The following WDR49 variants were observed in gnomAD, a reference collection of about 807,000 sequenced individuals.
WDR49 encodes the protein cilia- and flagella-associated protein 337.
In WDR49, 107 loss-of-function variants were observed where a neutral mutation model predicts 119.5. The observed-to-expected ratio is 0.90, with a 90% confidence interval of 0.77 to 1.05. The LOEUF (loss-of-function observed/expected upper bound fraction) is 1.05, where lower values mean the gene tolerates loss of function less well. Among genes scored for constraint, WDR49 ranks in the 50% least tolerant of loss-of-function variants. The probability of loss-of-function intolerance (pLI) is 0.00; values close to 1 mark genes in which losing one functional copy is unlikely to be tolerated. For synonymous variants in WDR49, 425 were observed against 418.8 expected (o/e 1.01, Z -0.18); for missense variants, 1,240 against 1,220.5 (o/e 1.02, Z -0.24).
intron 16 of WDR49, among the ~76,000 whole-genome samples, chr3:167,510,605 C>T (rs1448678373): frequency 6.6e-6 from 1 of 152,098 alleles, no homozygotes; most frequent in Admixed American, 6.6e-5. Context: ...GAAGATAACT[C>T]TTTACCATCT....
chr3:167,530,906 A>G (rs183946215), intron 13 of WDR49, among the ~76,000 whole-genome samples: 1 of 152,070 alleles, frequency 6.6e-6, no homozygotes, highest in African/African-American at 2.4e-5. Flanking sequence ...AACACTGGAT[A>G]AATTAGTAGT....
In WDR49 at chr3:167,614,220, G is replaced by C. The variant is rs555187384; in HGVS notation, c.958+6209C>G. On this transcript the variant is annotated intron_variant, in intron 5 of 18. Coordinates refer to ENST00000682715, the MANE Select transcript of WDR49 (RefSeq NM_001366157.1). ...AGGTTCAAGCAATTCTCATGCCTCA[G>C]CCTCCCAAGTAGCTGGGATTACAAG... Among the ~76,000 whole-genome samples the C allele has an allele frequency of 3.9e-5, 6 of 152,102 alleles. No homozygotes were observed. In the East Asian group the frequency reaches 1.2e-3, roughly 30 times the overall value.
chr3:167,602,025 A>T (rs756925122), intron 7 of WDR49, 102 bp downstream of exon 7: 161 of 1,389,994 alleles, frequency 1.2e-4, no homozygotes, highest in Non-Finnish European at 1.5e-4. Flanking sequence ...AGTATATTTT[A>T]AAAACTGACA....
intron 7 of WDR49, among the ~76,000 whole-genome samples, chr3:167,588,381 C>T (rs1322117337): frequency 1.3e-5 from 2 of 152,158 alleles, no homozygotes; most frequent in Non-Finnish European, 2.9e-5. Flanking sequence ...GCTTCCTAAT[C>T]TTGGCTATTG....
chr3:167,613,939 CA>C (rs113461805), intron 5 of WDR49, among the ~76,000 whole-genome samples: 44,200 of 107,346 alleles, frequency 0.41, 6,817 homozygotes, highest in African/African-American at 0.56. Context: ...GACTCTGTCT[CA>C]AAAAAAAAAA....
At chr3:167,630,849 T>C (rs1414110483) in intron 2 of WDR49, among the ~76,000 whole-genome samples, 1 of 152,104 alleles carries the variant, frequency 6.6e-6, no homozygotes, top group Non-Finnish European at 1.5e-5. Context: ...ATATTGTTAA[T>C]TAATCACAAT....
At chr3:167,622,358 G>A (rs1234408079) in intron 3 of WDR49, among the ~76,000 whole-genome samples, 4 of 151,972 alleles carry the variant, frequency 2.6e-5, no homozygotes, top group Admixed American at 2.0e-4. Flanking sequence ...GCAACATAGT[G>A]AGACTCCCAT....
intron 2 of WDR49, among the ~76,000 whole-genome samples, chr3:167,643,743 T>C (rs374428537): frequency 6.6e-6 from 1 of 152,058 alleles, no homozygotes; most frequent in African/African-American, 2.4e-5. Flanking sequence ...AGGGTAGACA[T>C]TCAATAAATA....
chr3:167,636,933 C>G (rs1001303731), intron 2 of WDR49, among the ~76,000 whole-genome samples: 1 of 151,598 alleles, frequency 6.6e-6, no homozygotes, highest in South Asian at 2.1e-4. Flanking sequence ...TTTCCTCCTA[C>G]CCTGTGAGTT....
At chr3:167,491,566 T>G (rs1250146178) in intron 18 of WDR49, among the ~76,000 whole-genome samples, 2 of 152,114 alleles carry the variant, frequency 1.3e-5, no homozygotes, top group Non-Finnish European at 2.9e-5. Context: ...TAAAACCATC[T>G]CTTTAATTGT....
intron 2 of WDR49, among the ~76,000 whole-genome samples, chr3:167,648,979 C>G (rs1218082302): frequency 6.6e-6 from 1 of 152,086 alleles, no homozygotes; most frequent in Non-Finnish European, 1.5e-5. Flanking sequence ...TAATATCCAA[C>G]TTTATACCTT....
intron 7 of WDR49, among the ~76,000 whole-genome samples, chr3:167,589,779 G>A (rs1715011955): frequency 6.6e-6 from 1 of 152,018 alleles, no homozygotes; most frequent in Admixed American, 6.6e-5. Flanking sequence ...TTTGTATCCT[G>A]CTACTTTACT....
intron 7 of WDR49, among the ~76,000 whole-genome samples, chr3:167,598,020 G>C (rs1053052494): frequency 6.6e-6 from 1 of 152,042 alleles, no homozygotes; most frequent in African/African-American, 2.4e-5. Flanking sequence ...AATGTGAGAA[G>C]GTTGGGCTGG....
intron 17 of WDR49, among the ~76,000 whole-genome samples, chr3:167,502,004 G>A (rs1751590443): frequency 6.6e-6 from 1 of 152,144 alleles, no homozygotes; most frequent in Admixed American, 6.5e-5. Context: ...CCCAGCATTG[G>A]AGATGGGGCC....
chr3:167,582,729 C>T lies in WDR49; in HGVS notation c.1276-6578G>A, dbSNP rs372133693. ...CTTTGGGAGGCCGAGGCAGGCAGAC[C>T]ACTTGGGGTCAGGAGTTGACCTGCC... is the stretch of plus-strand genomic sequence containing the variant. On this transcript the variant is annotated intron_variant, in intron 7 of 18. Coordinates refer to ENST00000682715, the MANE Select transcript of WDR49 (RefSeq NM_001366157.1). 2.0e-5 allele frequency among the ~76,000 whole-genome samples: 3 copies of T among 152,054 alleles called. No homozygotes were observed. In the East Asian group the frequency reaches 5.8e-4, roughly 29 times the overall value.
intron 17 of WDR49, 71 bp from the exon 18 acceptor site, chr3:167,500,370 G>A (rs1751516087): frequency 1.3e-6 from 2 of 1,533,344 alleles, no homozygotes; most frequent in Admixed American, 4.4e-5. Flanking sequence ...CTTGGAAAGA[G>A]CCAGCACATT....
At chr3:167,608,654 A>C (rs1716179499) in intron 5 of WDR49, among the ~76,000 whole-genome samples, 1 of 152,212 alleles carries the variant, frequency 6.6e-6, no homozygotes. Flanking sequence ...TATCTGATAA[A>C]TAAAAATGTT....
chr3:167,644,140 C>T (rs937453152), intron 2 of WDR49, among the ~76,000 whole-genome samples: 4 of 149,694 alleles, frequency 2.7e-5, no homozygotes, highest in South Asian at 4.2e-4. Context: ...TCTCTTAATG[C>T]TAAAATTCAA....
chr3:167,528,135 A>T (rs899668832), intron 14 of WDR49, 118 bp from the exon 15 acceptor site: 33 of 770,010 alleles, frequency 4.3e-5, no homozygotes, highest in Admixed American at 1.3e-4. Flanking sequence ...TATGATCCAA[A>T]TGCAAAAGAA....
Sources: allele counts gnomAD v4.1 joint callset (sites outside exome capture counted in the v4.1 genomes callset), GRCh38; gene constraint gnomAD v4.1.1; transcripts MANE v1.5; gene names NCBI Gene and HGNC (gene_info 2026-07-23, HGNC 2026-07-21).